Variants in SRL observed in about 807,000 individuals in gnomAD.
SRL encodes the protein sarcalumenin.
In SRL, 23 loss-of-function variants were observed where a neutral mutation model predicts 39.5. That is an observed-to-expected ratio of 0.58 (90% CI 0.42 to 0.82). The LOEUF (loss-of-function observed/expected upper bound fraction) is 0.82. Ranked by LOEUF, SRL falls within the 40% of genes least tolerant of loss-of-function variation. The pLI, the probability that SRL is intolerant of heterozygous loss-of-function variation, is 0.00. For synonymous variants in SRL, 272 were observed against 237.4 expected (o/e 1.15, Z -1.34); for missense variants, 592 against 607.8 (o/e 0.97, Z 0.27).
In SRL at chr16:4,190,408, G is replaced by A; in HGVS notation, c.*1745C>T. 5.0e-6 allele frequency: 2 copies of A among 398,882 alleles called. No individual in the cohort carries two copies. The highest frequency in any genetic ancestry group is 8.8e-6 in the Non-Finnish European group (2 of 226,300). The allele number at this position is 398,882 out of a possible 1,614,324, so 24.7% of individuals were successfully genotyped here. A position where few individuals can be genotyped will look rare whatever the true frequency, so the allele number is the denominator to read the frequency against. ...GGCCCCCAGGACAGCTTGTTCCCAAGAGAAGCGGCTGGCTGTGTACAAAGG... is the reference window on the plus strand; with the variant it reads ...GGCCCCCAGGACAGCTTGTTCCCAAAAGAAGCGGCTGGCTGTGTACAAAGG... On this transcript the variant is annotated 3_prime_UTR_variant, in exon 6 of 6. Coordinates refer to ENST00000399609, the MANE Select transcript of SRL (RefSeq NM_001098814.2).
At chr16:4,219,297 C>A (rs549572220) in intron 1 of SRL, among the ~76,000 whole-genome samples, 9 of 152,352 alleles carry the variant, frequency 5.9e-5, no homozygotes, top group Non-Finnish European at 1.3e-4. Context: ...TTCTCCCAGA[C>A]GTTTCTAAGC....
At chr16:4,230,467 AC>A (rs1156576414) in intron 1 of SRL, among the ~76,000 whole-genome samples, 1 of 135,200 alleles carries the variant, frequency 7.4e-6, no homozygotes, top group Admixed American at 7.7e-5. Flanking sequence ...TGCAACCTCC[AC>A]CTCCCGGGTT....
chr16:4,195,596 C>T lies in SRL; in HGVS notation c.567G>A (p.Val189=), dbSNP rs764086658. ...GGTTCTCGATGATGCCTGGTGTATC[C>T]ACAAAAGTGACCCTCTCCAGAAGTT... ...PHKLLERVTF[V]DTPGIIENRK... is the part of the protein sequence containing the mutation. Residue 189 remains valine, a synonymous_variant, in exon 5 of 6, where the codon GTG becomes GTA. Transcript: ENST00000399609. The T allele has an allele frequency of 6.2e-7, 1 of 1,614,006 alleles. No individual in the cohort carries two copies. Among genetic ancestry groups the T allele is most frequent in the South Asian group, 1.1e-5 (1 of 91,078 alleles).
Position 4,189,892 on chromosome 16 carries a change from G to C in SRL, c.*2261C>G, listed in dbSNP as rs905227920. The C allele has an allele frequency of 5.7e-6, 1 of 176,956 alleles. No homozygotes were observed. Among genetic ancestry groups the C allele is most frequent in the African/African-American group, 2.4e-5 (1 of 42,450 alleles). 11.0% of individuals were successfully genotyped at this position (176,956 alleles called of 1,614,324 possible). On this transcript the variant is annotated 3_prime_UTR_variant, in exon 6 of 6. Coordinates refer to ENST00000399609, the MANE Select transcript of SRL (RefSeq NM_001098814.2). ...CCAAAGCAGCTCACAGCATGGAGGA[G>C]CAGGCAGGGGAAAGTGGGAGGGCCC... is the stretch of plus-strand genomic sequence containing the variant.
intron 1 of SRL, chr16:4,206,632 C>A: frequency 2.2e-6 from 1 of 452,864 alleles, no homozygotes. Flanking sequence ...CACCCTCTGC[C>A]ACCTTCTGTC....
intron 3 of SRL, among the ~76,000 whole-genome samples, chr16:4,200,454 A>G (rs1340675484): frequency 6.6e-6 from 1 of 152,130 alleles, no homozygotes; most frequent in East Asian, 1.9e-4. Context: ...TGAGCCTGGG[A>G]GAGGTTACAA....
At chr16:4,215,840 A>G (rs995976410) in intron 1 of SRL, among the ~76,000 whole-genome samples, 22 of 152,206 alleles carry the variant, frequency 1.4e-4, no homozygotes, top group African/African-American at 4.8e-4. Flanking sequence ...CTTGCTTACT[A>G]CTTGCTTTGT....
chr16:4,192,752 T>G lies in SRL; in HGVS notation c.823A>C (p.Ser275Arg), dbSNP rs768406446. 22 of 1,613,958 alleles carry G rather than the reference T, an allele frequency of 1.4e-5. No homozygotes were observed. In the Admixed American group the frequency reaches 2.3e-4, roughly 17 times the overall value. Reference sequence around the variant, plus strand: ...GTGACATTGATGAGAGGGGCCAAGCTCCAGAAGAGGGCCCCGTAAACCCGC... The same window carrying G: ...GTGACATTGATGAGAGGGGCCAAGCGCCAGAAGAGGGCCCCGTAAACCCGC... ...LMRVYGALFW[S>R]LAPLINVTEP... is the part of the protein sequence containing the mutation. Residue 275 changes from serine (S) to arginine (R), a missense_variant, in exon 6 of 6, where the codon AGC (serine) becomes CGC (arginine). Ser to Arg is a moderately radical substitution (Grantham distance 110, BLOSUM62 -1). Coordinates refer to ENST00000399609, the MANE Select transcript of SRL (RefSeq NM_001098814.2). The surrounding 1 kb of genome is among the most constrained non-coding windows in gnomAD (Gnocchi z 4.0).
At chr16:4,215,517 T>C (rs1371226509) in intron 1 of SRL, among the ~76,000 whole-genome samples, 5 of 152,152 alleles carry the variant, frequency 3.3e-5, no homozygotes, top group Non-Finnish European at 7.4e-5. Context: ...CCCAAAACCC[T>C]GGTAAGTGCT....
chr16:4,220,632 C>T (rs1253886506), intron 1 of SRL, among the ~76,000 whole-genome samples: 1 of 152,160 alleles, frequency 6.6e-6, no homozygotes, highest in Admixed American at 6.5e-5. Flanking sequence ...GGATATCCCA[C>T]CCCAGGGAGA....
rs116530746 is a variant in SRL, at chr16:4,216,965, G to A, written c.62-12331C>T. ...AGCCAAGGGAGCGTGGCTCCCGCAG[G>A]TCTCAGTCTAACAGCTATCCTGGGT... On this transcript the variant is annotated intron_variant, in intron 1 of 5. Coordinates refer to ENST00000399609, the MANE Select transcript of SRL (RefSeq NM_001098814.2). 3.0e-3 allele frequency among the ~76,000 whole-genome samples: 456 copies of A among 152,318 alleles called. 2 individuals are homozygous for A. The highest frequency in any genetic ancestry group is 0.01 in the African/African-American group (428 of 41,570).
chr16:4,210,034 C>T (rs949531094), intron 1 of SRL, among the ~76,000 whole-genome samples: 12 of 152,192 alleles, frequency 7.9e-5, no homozygotes, highest in African/African-American at 2.9e-4. Flanking sequence ...TCCTGATTTG[C>T]AGGAATCCAA....
Position 4,220,801 on chromosome 16 carries a change from C to T in SRL, c.62-16167G>A, listed in dbSNP as rs113427085. Among the ~76,000 whole-genome samples, 901 of 152,100 alleles carry T rather than the reference C, an allele frequency of 5.9e-3. 11 individuals are homozygous for T. The highest frequency in any genetic ancestry group is 0.02 in the African/African-American group (845 of 41,474). The stretch of plus-strand genomic sequence containing the variant: ...CCCAGGAGTTCAAGACCAGCCTAGG[C>T]AACATAGTGGGACCCCGAATATACT... On this transcript the variant is annotated intron_variant, in intron 1 of 5. Coordinates refer to ENST00000399609, the MANE Select transcript of SRL (RefSeq NM_001098814.2).
intron 1 of SRL, among the ~76,000 whole-genome samples, chr16:4,226,532 C>A (rs958881044): frequency 6.8e-6 from 1 of 147,838 alleles, no homozygotes; most frequent in Non-Finnish European, 1.5e-5. Context: ...AATGGAGGGA[C>A]AGATGGATGG....
At chr16:4,226,711 T>G (rs967793978) in intron 1 of SRL, among the ~76,000 whole-genome samples, 10 of 150,140 alleles carry the variant, frequency 6.7e-5, no homozygotes, top group Non-Finnish European at 1.3e-4. Flanking sequence ...GAAGGATGAA[T>G]GGAAGGAAAT....
intron 1 of SRL, among the ~76,000 whole-genome samples, chr16:4,231,403 C>T (rs1257956248): frequency 6.6e-6 from 1 of 152,128 alleles, no homozygotes; most frequent in East Asian, 1.9e-4. Context: ...GAACCAACAC[C>T]TAAGCCTGGC....
intron 1 of SRL, among the ~76,000 whole-genome samples, chr16:4,223,531 C>G (rs968487748): frequency 5.9e-5 from 9 of 151,762 alleles, no homozygotes; most frequent in African/African-American, 2.2e-4. Flanking sequence ...TGCATGCCAT[C>G]ATATCTGGCT....
At chr16:4,229,507 T>C (rs1273705136) in intron 1 of SRL, among the ~76,000 whole-genome samples, 10 of 152,070 alleles carry the variant, frequency 6.6e-5, no homozygotes, top group Non-Finnish European at 1.5e-4. Context: ...GAGGTCATTA[T>C]CCCAAGCGAA....
intron 1 of SRL, 81 bp from the exon 2 acceptor site, chr16:4,204,715 CTGGG>C: frequency 7.8e-7 from 1 of 1,290,236 alleles, no homozygotes; most frequent in Non-Finnish European, 1.1e-6. Flanking sequence ...CAGACGAGGG[CTGGG>C]CCTCAAGCAG....
Sources: gnomAD v4.1 joint callset for allele counts (sites outside exome capture counted in the v4.1 genomes callset) on GRCh38, gnomAD v4.1.1 for gene constraint, Gnocchi (gnomAD v3.1) non-coding constraint, MANE v1.5 for transcripts, NCBI Gene and HGNC (gene_info 2026-07-23, HGNC 2026-07-21) for gene names.